IL19: variants seen among roughly 807,000 people sequenced by gnomAD.
IL19 encodes interleukin 19.
In IL19, 15 loss-of-function variants were observed where a neutral mutation model predicts 19.5. The observed-to-expected ratio is 0.77, with a 90% CI of 0.52 to 1.19. IL19 has a LOEUF of 1.19. Ranked by LOEUF, IL19 falls within the 50% of genes most tolerant of loss-of-function variation. IL19 has a pLI of 0.00. For synonymous variants in IL19, 78 were observed against 78.3 expected (o/e 1.00, Z 0.02); for missense variants, 199 against 213.1 (o/e 0.93, Z 0.41).
In IL19 at chr1:206,783,429, C is replaced by T. The variant is rs1157661551; in HGVS notation, c.-149+12351C>T. 3.9e-5 allele frequency among the ~76,000 whole-genome samples: 6 copies of T among 152,150 alleles called. No individual in the cohort carries two copies. The East Asian group carries it at 9.6e-4, about 24-fold the overall frequency. On this transcript the variant is annotated intron_variant, in intron 1 of 6. Transcript: ENST00000659997. ...ATTCTTTCAAGTAATTAAGGAGAAT[C>T]TGTTTGTACCTTGGCTTTTGGGTGA...
intron 5 of IL19, 96 bp downstream of exon 5, chr1:206,840,098 T>A (rs774519660): frequency 7.3e-7 from 1 of 1,375,762 alleles, no homozygotes; most frequent in Non-Finnish European, 1.0e-6. Context: ...ATATGGTGCT[T>A]GGAGTCAAAG....
At chr1:206,842,325 A>C (rs1677043463) in intron 6 of IL19, among the ~76,000 whole-genome samples, 1 of 152,214 alleles carries the variant, frequency 6.6e-6, no homozygotes, top group Non-Finnish European at 1.5e-5. Flanking sequence ...AGCTGACATA[A>C]TTTAACTACT....
intron 1 of IL19, among the ~76,000 whole-genome samples, chr1:206,797,126 G>A (rs1007721329): frequency 1.3e-5 from 2 of 152,168 alleles, no homozygotes; most frequent in African/African-American, 2.4e-5. Context: ...ACTTTGCTGC[G>A]GGACAGGATG....
At chr1:206,820,049 A>G (rs1230694083) in intron 2 of IL19, among the ~76,000 whole-genome samples, 1 of 152,122 alleles carries the variant, frequency 6.6e-6, no homozygotes. Flanking sequence ...ATGGAGTCTT[A>G]TATTTATCCC....
chr1:206,835,924 A>G (rs1676775873), intron 2 of IL19, among the ~76,000 whole-genome samples: 1 of 152,274 alleles, frequency 6.6e-6, no homozygotes, highest in Non-Finnish European at 1.5e-5. Context: ...GAGAATGAGA[A>G]GCGGTGGCAA....
At chr1:206,835,959 A>G (rs1280849020) in intron 2 of IL19, among the ~76,000 whole-genome samples, 1 of 152,268 alleles carries the variant, frequency 6.6e-6, no homozygotes. Context: ...GGCCCTGGCT[A>G]TGAAGCAGCT....
chr1:206,819,506 C>A (rs192379210), intron 2 of IL19, among the ~76,000 whole-genome samples: 57 of 151,826 alleles, frequency 3.8e-4, no homozygotes, highest in African/African-American at 1.3e-3. Context: ...ATCCCTTGAA[C>A]CTGGGAGGCG....
At chr1:206,777,597 C>G (rs1675042222) in intron 1 of IL19, among the ~76,000 whole-genome samples, 1 of 152,060 alleles carries the variant, frequency 6.6e-6, no homozygotes, top group Non-Finnish European at 1.5e-5. Flanking sequence ...TCCGGGCTTG[C>G]TGGACTCTGG....
At chr1:206,788,297 C>A (rs1415289100) in intron 1 of IL19, among the ~76,000 whole-genome samples, 1 of 152,204 alleles carries the variant, frequency 6.6e-6, no homozygotes, top group Non-Finnish European at 1.5e-5. Flanking sequence ...AGGCCAATGG[C>A]AAACTACTAC....
chr1:206,782,396 A>G (rs1675168381), intron 1 of IL19, among the ~76,000 whole-genome samples: 1 of 144,262 alleles, frequency 6.9e-6, no homozygotes, highest in Non-Finnish European at 1.5e-5. Context: ...TTCTCAGACC[A>G]CCCTTAGAGA....
intron 2 of IL19, among the ~76,000 whole-genome samples, chr1:206,813,310 T>C (rs1301589089): frequency 6.6e-6 from 1 of 152,154 alleles, no homozygotes; most frequent in Non-Finnish European, 1.5e-5. Flanking sequence ...TTCCTGAGGG[T>C]TTCCCGTCTG....
At position 206,804,650 on chromosome 1, in the gene IL19, T is replaced by C. The variant is rs570394312; in HGVS notation, c.-3+5644T>C. On this transcript the variant is annotated intron_variant, in intron 2 of 6. Coordinates refer to ENST00000659997, the MANE Select transcript of IL19 (RefSeq NM_153758.5). The stretch of plus-strand genomic sequence containing the variant: ...GTTTAAAAGTGTTTCTGACCAGAGA[T>C]GCCTGAGGGAATGACCCAGGGATCA... Among the ~76,000 whole-genome samples, 3 of 152,306 alleles carry C rather than the reference T, an allele frequency of 2.0e-5. No individual in the cohort carries two copies. In the East Asian group the frequency reaches 5.8e-4, roughly 29 times the overall value.
intron 2 of IL19, among the ~76,000 whole-genome samples, chr1:206,808,322 T>G (rs1675905683): frequency 6.6e-6 from 1 of 152,142 alleles, no homozygotes; most frequent in Admixed American, 6.5e-5. Context: ...AGAGCGAGAC[T>G]CCATCTAAAC....
rs61251747 is a variant in IL19 at position 206,793,329 on chromosome 1, C to T, written c.-148-5532C>T. On this transcript the variant is annotated intron_variant, in intron 1 of 6. Transcript: ENST00000659997. ...GGTGATGGCTGCTTTAGGGGCAGCA[C>T]GTGAGCTGGGCCCCAGGAGGGGAAA... Among the ~76,000 whole-genome samples the T allele has an allele frequency of 2.4e-3, 364 of 152,290 alleles. 1 individual carries two copies. The highest frequency in any genetic ancestry group is 9.7e-3 in the South Asian group (47 of 4,826).
At chr1:206,778,083 C>G (rs958669693) in intron 1 of IL19, among the ~76,000 whole-genome samples, 1 of 152,170 alleles carries the variant, frequency 6.6e-6, no homozygotes, top group Non-Finnish European at 1.5e-5. Flanking sequence ...AAGAGGAGCC[C>G]GGGCTGGGGC....
chr1:206,802,690 C>T (rs769666855), intron 2 of IL19, among the ~76,000 whole-genome samples: 3 of 150,582 alleles, frequency 2.0e-5, no homozygotes, highest in Non-Finnish European at 3.0e-5. Context: ...TTTTTTTTGC[C>T]ATGGGCAAGT....
At chr1:206,816,119 A>G in intron 2 of IL19, among the ~76,000 whole-genome samples, 1 of 152,218 alleles carries the variant, frequency 6.6e-6, no homozygotes. Context: ...AAGATGAAAT[A>G]AAGGCTTTTC....
chr1:206,836,618 C>T (rs781465818), intron 2 of IL19, 43 bp from the exon 3 acceptor site: 3 of 1,555,016 alleles, frequency 1.9e-6, no homozygotes, highest in African/African-American at 2.8e-5. Context: ...TTTCATTGCC[C>T]TCCACTCTTG....
At chr1:206,834,049 G>A (rs1676701141) in intron 2 of IL19, 1 of 985,412 alleles carries the variant, frequency 1.0e-6, no homozygotes, top group Non-Finnish European at 1.2e-6. Context: ...ACAGCTCTCA[G>A]GAAAGTGACC....
Sources: gnomAD v4.1 joint callset for allele counts (sites outside exome capture counted in the v4.1 genomes callset) on GRCh38, gnomAD v4.1.1 for gene constraint, MANE v1.5 for transcripts, NCBI Gene and HGNC (gene_info 2026-07-23, HGNC 2026-07-21) for gene names.